Variants in DMD observed in about 807,000 individuals in gnomAD.
DMD encodes mutant dystrophin.
A neutral mutation model predicts 330.1 loss-of-function variants in DMD; 63 were observed. The ratio of observed to expected loss-of-function variants is 0.19; its 90% CI spans 0.16 to 0.24. The LOEUF (loss-of-function observed/expected upper bound fraction) is 0.24. DMD is among the 10% of genes least tolerant of loss of function. The pLI is 1.00. For missense variants in DMD, 3,344 were observed against 2,684.1 expected, an observed-to-expected ratio of 1.25 and a Z score of -5.43; for synonymous variants, 1,223 against 959.8, an observed-to-expected ratio of 1.27 and a Z score of -5.07.
At chrX:31,807,001 T>C (rs1194516622) in intron 50 of DMD, among the ~76,000 whole-genome samples, 2 of 111,678 alleles carry the variant, frequency 1.8e-5, no homozygotes, top group African/African-American at 3.3e-5. Context: ...AACAGACTGG[T>C]TGAAATTGCA....
At chrX:31,191,522 T>C (rs2042355954) in intron 67 of DMD, among the ~76,000 whole-genome samples, 1 of 108,782 alleles carries the variant, frequency 9.2e-6, no homozygotes, top group African/African-American at 3.3e-5. Flanking sequence ...TGGTCTTTCC[T>C]GCGCCGTTCT....
At chrX:32,682,634 T>C (rs528351170) in intron 9 of DMD, among the ~76,000 whole-genome samples, 2 of 112,359 alleles carry the variant, frequency 1.8e-5, no homozygotes, top group South Asian at 7.3e-4. Context: ...ATGGCCATGT[T>C]TTTATTTCAT....
chrX:31,855,620 G>A (rs2093601960), intron 48 of DMD, among the ~76,000 whole-genome samples: 1 of 111,236 alleles, frequency 9.0e-6, no homozygotes, highest in African/African-American at 3.3e-5. Flanking sequence ...TTACTATTAG[G>A]TTCTGTACCA....
chrX:33,238,265 T>C (rs2148887699), intron 1 of DMD, among the ~76,000 whole-genome samples: 1 of 111,989 alleles, frequency 8.9e-6, no homozygotes. Flanking sequence ...GACCTCCCTC[T>C]CTTAGCTGGG....
At position 31,713,603 on chromosome X, in the gene DMD, CAG is replaced by C. The variant is rs751985330; in HGVS notation, c.7660+16026_7660+16027del. Among the ~76,000 whole-genome samples, 96 of 111,806 alleles carry C rather than the reference CAG, an allele frequency of 8.6e-4. 1 individual carries two copies. The highest frequency in any genetic ancestry group is 3.0e-3 in the African/African-American group (92 of 30,851). ...AACAATGAATAAACGGATGGATGTA[CAG>C]AGCGATAAATGGATAAATGAACAAA... On this transcript the variant is annotated intron_variant, in intron 52 of 78. Coordinates refer to ENST00000357033, the MANE Select transcript of DMD (RefSeq NM_004006.3).
intron 67 of DMD, among the ~76,000 whole-genome samples, chrX:31,191,357 T>A (rs1232587912): frequency 8.9e-6 from 1 of 112,116 alleles, no homozygotes; most frequent in Non-Finnish European, 1.9e-5. Flanking sequence ...GAAAACATTG[T>A]GGGCAAACCA....
chrX:32,385,620 T>TAATTTTAAAACATCAAAGCTCTA (rs6151281), intron 33 of DMD, among the ~76,000 whole-genome samples: 2 of 108,342 alleles, frequency 1.8e-5, no homozygotes, highest in Admixed American at 2.0e-4. Flanking sequence ...CTTACTATCA[T>TAATTTTAAAACATCAAAGCTCTA]AATCTATACA....
chrX:32,809,919 C>CAAAAAAAAAAAAAAAAAAAA (rs55898363), intron 6 of DMD, among the ~76,000 whole-genome samples: 2 of 28,654 alleles, frequency 7.0e-5, no homozygotes, highest in Non-Finnish European at 5.8e-5. Flanking sequence ...TTGTTTCTAC[C>CAAAAAAAAAAAAAAAAAAAA]AAAAAAAAAA....
chrX:31,799,090 T>C (rs1331924986), intron 50 of DMD, among the ~76,000 whole-genome samples: 1 of 112,165 alleles, frequency 8.9e-6, no homozygotes, highest in African/African-American at 3.2e-5. Flanking sequence ...TTCTCTGTAC[T>C]GAGTCTTGCT....
intron 47 of DMD, among the ~76,000 whole-genome samples, chrX:31,927,134 A>C (rs1369469277): frequency 8.9e-6 from 1 of 112,426 alleles, no homozygotes; most frequent in Non-Finnish European, 1.9e-5. Flanking sequence ...GATGGAGAAA[A>C]GATGATTAAA....
At chrX:32,153,033 T>A (rs1306031029) in intron 44 of DMD, among the ~76,000 whole-genome samples, 1 of 112,067 alleles carries the variant, frequency 8.9e-6, no homozygotes, top group Non-Finnish European at 1.9e-5. Context: ...AAGTTAACGT[T>A]CACTCTCAGG....
At chrX:31,241,180 T>C (rs1254240388) in intron 63 of DMD, among the ~76,000 whole-genome samples, 1 of 111,785 alleles carries the variant, frequency 8.9e-6, no homozygotes, top group Non-Finnish European at 1.9e-5. Context: ...TCGGTTCCCC[T>C]TTTCAAATGG....
At chrX:31,429,309 T>C (rs1465332324) in intron 60 of DMD, among the ~76,000 whole-genome samples, 2 of 111,668 alleles carry the variant, frequency 1.8e-5, no homozygotes, top group African/African-American at 6.5e-5. Flanking sequence ...GGGTGTTTCT[T>C]GCTTGGGTTC....
chrX:33,320,137 C>T (rs1861090327), intron 1 of DMD, among the ~76,000 whole-genome samples: 1 of 111,629 alleles, frequency 9.0e-6, no homozygotes, highest in South Asian at 3.7e-4. Flanking sequence ...TATAAAATCT[C>T]AATGAAAATT....
intron 51 of DMD, among the ~76,000 whole-genome samples, chrX:31,751,769 T>C (rs1210723967): frequency 1.8e-5 from 2 of 112,419 alleles, no homozygotes; most frequent in East Asian, 5.6e-4. Context: ...TGTTCATGGC[T>C]GTATTAGCTG....
At chrX:33,003,005 T>C (rs939616873) in intron 2 of DMD, among the ~76,000 whole-genome samples, 1 of 110,444 alleles carries the variant, frequency 9.1e-6, no homozygotes, top group East Asian at 2.9e-4. Context: ...ATTTTTTTAT[T>C]TTAATACTTT....
At chrX:31,365,335 A>G (rs1043171501) in intron 60 of DMD, among the ~76,000 whole-genome samples, 2 of 111,442 alleles carry the variant, frequency 1.8e-5, no homozygotes, top group Non-Finnish European at 1.9e-5. Context: ...AGCATTTAAG[A>G]TTATAAAGTA....
intron 12 of DMD, among the ~76,000 whole-genome samples, chrX:32,613,792 T>G (rs1339489291): frequency 8.9e-6 from 1 of 111,733 alleles, no homozygotes; most frequent in Non-Finnish European, 1.9e-5. Flanking sequence ...TATGCTGTAT[T>G]TTTTAAAAAA....
At chrX:31,124,429 T>C (rs1352076050) in intron 78 of DMD, among the ~76,000 whole-genome samples, 2 of 111,724 alleles carry the variant, frequency 1.8e-5, no homozygotes, top group African/African-American at 6.5e-5. Context: ...AGAAAGTAGA[T>C]TTGTATCCTA....
Sources: allele counts gnomAD v4.1 joint callset (sites outside exome capture counted in the v4.1 genomes callset), GRCh38; gene constraint gnomAD v4.1.1; transcripts MANE v1.5; gene names NCBI Gene and HGNC (gene_info 2026-07-23, HGNC 2026-07-21).